Variants in KCNIP4 observed in about 807,000 individuals in gnomAD.
KCNIP4 encodes the protein Kv channel-interacting protein 4.
KCNIP4 carries 12 observed loss-of-function variants against 34.0 expected under a neutral mutation model. That is an observed-to-expected ratio of 0.35 (90% CI 0.23 to 0.57). KCNIP4 has a LOEUF of 0.57. Ranked by LOEUF, KCNIP4 falls within the 20% of genes least tolerant of loss-of-function variation. The probability of loss-of-function intolerance (pLI) is 0.83; values close to 1 mark genes in which losing one functional copy is unlikely to be tolerated. For missense variants in KCNIP4, 238 were observed against 311.7 expected, an observed-to-expected ratio of 0.76 and a Z score of 1.78; for synonymous variants, 124 against 102.2, an observed-to-expected ratio of 1.21 and a Z score of -1.29.
chr4:20,752,128 G>A (rs186493516), intron 4 of KCNIP4, among the ~76,000 whole-genome samples: 1 of 143,666 alleles, frequency 7.0e-6, no homozygotes, highest in African/African-American at 2.6e-5. Context: ...GCACGATCTC[G>A]GGTCACTGCA....
chr4:21,519,061 G>A (rs988639387), intron 1 of KCNIP4, among the ~76,000 whole-genome samples: 1 of 152,024 alleles, frequency 6.6e-6, no homozygotes, highest in Non-Finnish European at 1.5e-5. Context: ...CCACGGTCAC[G>A]GTTATCGACT....
chr4:21,331,048 T>C (rs1715583523), intron 1 of KCNIP4, among the ~76,000 whole-genome samples: 1 of 152,190 alleles, frequency 6.6e-6, no homozygotes, highest in African/African-American at 2.4e-5. Context: ...TCCCAGTCCC[T>C]AATAGTTGTC....
At chr4:21,520,027 A>T (rs1041798690) in intron 1 of KCNIP4, among the ~76,000 whole-genome samples, 3 of 152,028 alleles carry the variant, frequency 2.0e-5, no homozygotes, top group Admixed American at 2.0e-4. Flanking sequence ...TGTTTGAGGG[A>T]AGGAAGCATC....
At chr4:21,543,082 A>G (rs941583376) in intron 1 of KCNIP4, among the ~76,000 whole-genome samples, 6 of 152,038 alleles carry the variant, frequency 3.9e-5, no homozygotes, top group African/African-American at 1.4e-4. Flanking sequence ...AACAATCCTA[A>G]AAATGTATAT....
chr4:20,839,475 T>C (rs1719462704), intron 3 of KCNIP4, among the ~76,000 whole-genome samples: 2 of 137,232 alleles, frequency 1.5e-5, no homozygotes, highest in Admixed American at 1.5e-4. Flanking sequence ...CTATATTGTA[T>C]ACCATGTATA....
chr4:21,167,855 C>G (rs1244434501), intron 1 of KCNIP4, among the ~76,000 whole-genome samples: 1 of 152,126 alleles, frequency 6.6e-6, no homozygotes, highest in African/African-American at 2.4e-5. Flanking sequence ...CTAATCCTTC[C>G]TGGCAATTGC....
At chr4:21,051,675 T>A (rs1742945840) in intron 1 of KCNIP4, among the ~76,000 whole-genome samples, 1 of 152,200 alleles carries the variant, frequency 6.6e-6, no homozygotes, top group African/African-American at 2.4e-5. Flanking sequence ...AACACAAAAC[T>A]TTAATTGTAA....
intron 1 of KCNIP4, among the ~76,000 whole-genome samples, chr4:20,910,074 A>G (rs1469253172): frequency 6.6e-6 from 1 of 152,220 alleles, no homozygotes. Flanking sequence ...TTCTTAATAG[A>G]TACATTTTTC....
intron 3 of KCNIP4, among the ~76,000 whole-genome samples, chr4:20,812,801 C>T (rs1019572151): frequency 6.6e-6 from 1 of 151,996 alleles, no homozygotes; most frequent in Non-Finnish European, 1.5e-5. Flanking sequence ...ATCTTGGAAC[C>T]ATGAGGTGCA....
At chr4:21,232,674 T>G (rs1376390859) in intron 1 of KCNIP4, among the ~76,000 whole-genome samples, 1 of 152,210 alleles carries the variant, frequency 6.6e-6, no homozygotes, top group Admixed American at 6.6e-5. Context: ...TTTATTCATA[T>G]GTTCACTCAG....
In KCNIP4 at chr4:20,945,587, G is replaced by A. The variant is rs569849256; in HGVS notation, c.62-62878C>T. Among the ~76,000 whole-genome samples, 177 of 152,274 alleles carry A rather than the reference G, an allele frequency of 1.2e-3. 1 individual carries two copies. Among genetic ancestry groups the A allele is most frequent in the African/African-American group, 4.2e-3 (173 of 41,548 alleles). ...CTTGAATCTTAAAAGATGTGTACGT[G>A]TGTGAGTGTGTGTGTGAGCAGGAGT... On this transcript the variant is annotated intron_variant, in intron 1 of 8. Transcript: ENST00000382152.
At chr4:20,954,603 CG>C (rs1733111008) in intron 1 of KCNIP4, among the ~76,000 whole-genome samples, 2 of 152,106 alleles carry the variant, frequency 1.3e-5, no homozygotes. Flanking sequence ...ATCTGCCAAG[CG>C]GGTCAGGCAG....
At chr4:21,258,156 G>A (rs1190198882) in intron 1 of KCNIP4, among the ~76,000 whole-genome samples, 1 of 152,124 alleles carries the variant, frequency 6.6e-6, no homozygotes, top group Non-Finnish European at 1.5e-5. Flanking sequence ...GTAGGGATGG[G>A]AATTCTAGCC....
chr4:21,540,753 T>A (rs1367988447), intron 1 of KCNIP4, among the ~76,000 whole-genome samples: 2 of 152,168 alleles, frequency 1.3e-5, no homozygotes, highest in Non-Finnish European at 2.9e-5. Flanking sequence ...TATTATCACC[T>A]CACAGGACAG....
At chr4:21,637,485 G>T (rs1279628449) in intron 1 of KCNIP4, among the ~76,000 whole-genome samples, 1 of 151,994 alleles carries the variant, frequency 6.6e-6, no homozygotes, top group Non-Finnish European at 1.5e-5. Context: ...TCACTTAAAA[G>T]ATGAGAAAAC....
rs568922612 is a variant in KCNIP4, at chr4:21,426,591, C to T, written c.61+521980G>A. Among the ~76,000 whole-genome samples, 6 of 152,072 alleles carry T rather than the reference C, an allele frequency of 3.9e-5. No homozygotes were observed. The East Asian group carries it at 1.2e-3, about 29-fold the overall frequency. On this transcript the variant is annotated intron_variant, in intron 1 of 8. Coordinates refer to ENST00000382152, the MANE Select transcript of KCNIP4 (RefSeq NM_025221.6). ...GCACCCTTTCCGAGGAGTATGTAAA[C>T]ATGTAACTTCTTTAGGTTAAATGGA...
intron 1 of KCNIP4, among the ~76,000 whole-genome samples, chr4:21,365,475 C>CAAAA (rs1224573367): frequency 1.1e-5 from 1 of 87,788 alleles, no homozygotes; most frequent in Non-Finnish European, 2.6e-5. Flanking sequence ...GAGACTGTCT[C>CAAAA]AAAAAATAAA....
chr4:20,919,827 T>A (rs1729217924), intron 1 of KCNIP4, among the ~76,000 whole-genome samples: 1 of 152,140 alleles, frequency 6.6e-6, no homozygotes, highest in Non-Finnish European at 1.5e-5. Flanking sequence ...AAAGCTTTAT[T>A]ATTATCTCTG....
intron 1 of KCNIP4, among the ~76,000 whole-genome samples, chr4:20,935,055 TGTCTCCAA>T (rs1730914863): frequency 6.6e-6 from 1 of 152,190 alleles, no homozygotes; most frequent in African/African-American, 2.4e-5. Flanking sequence ...CATGTCTCCA[TGTCTCCAA>T]ATGTCCCTTG....
Sources: gnomAD v4.1 joint callset for allele counts (sites outside exome capture counted in the v4.1 genomes callset) on GRCh38, gnomAD v4.1.1 for gene constraint, MANE v1.5 for transcripts, NCBI Gene and HGNC (gene_info 2026-07-23, HGNC 2026-07-21) for gene names.